ACTR3C: variants seen among roughly 807,000 people sequenced by gnomAD.
ACTR3C encodes the protein actin-related protein 3C.
A neutral mutation model predicts 26.3 loss-of-function variants in ACTR3C; 18 were observed. The ratio of observed to expected loss-of-function variants is 0.68; its 90% CI spans 0.47 to 1.01. The LOEUF is 1.01. ACTR3C is among the 50% of genes least tolerant of loss of function. The probability of loss-of-function intolerance (pLI) is 0.00; values close to 1 mark genes in which losing one functional copy is unlikely to be tolerated. For synonymous variants in ACTR3C, 55 were observed against 94.5 expected, an observed-to-expected ratio of 0.58 and a Z score of 2.42; for missense variants, 184 against 250.7, an observed-to-expected ratio of 0.73 and a Z score of 1.80.
At chr7:149,907,473 TTCTC>T in the ACTR3C span, among the ~76,000 whole-genome samples, 1,436 of 109,794 alleles carry the variant, frequency 0.013, 51 homozygotes, top group African/African-American at 0.026. Flanking sequence ...CTTGCCTCTC[TTCTC>T]TTCTCTCTCT....
At chr7:150,189,371 CCATTT>C in the ACTR3C span, among the ~76,000 whole-genome samples, 1 of 152,150 alleles carries the variant, frequency 6.6e-6, no homozygotes, top group African/African-American at 2.4e-5. Context: ...AATTCGTATT[CCATTT>C]GAGTTCCCCA....
At chr7:150,196,792 C>A in the ACTR3C span, among the ~76,000 whole-genome samples, 3 of 152,066 alleles carry the variant, frequency 2.0e-5, no homozygotes, top group East Asian at 5.8e-4. Context: ...GTTGAGTGTA[C>A]CACTGGCCTC....
At chr7:150,154,081 G>A in the ACTR3C span, among the ~76,000 whole-genome samples, 639 of 118,688 alleles carry the variant, frequency 5.4e-3, 1 homozygote, top group African/African-American at 0.02. Flanking sequence ...TGTGGGGTGG[G>A]GGGAGGGGGG....
the ACTR3C span, among the ~76,000 whole-genome samples, chr7:149,883,765 A>C: frequency 6.6e-6 from 1 of 152,170 alleles, no homozygotes; most frequent in Admixed American, 6.5e-5. Context: ...GCCCTTCAGG[A>C]ATATTTCATA....
At chr7:149,921,794 T>G in the ACTR3C span, among the ~76,000 whole-genome samples, 1 of 152,092 alleles carries the variant, frequency 6.6e-6, no homozygotes, top group East Asian at 1.9e-4. Context: ...GGAGAATGGC[T>G]TGAACCCAGG....
the ACTR3C span, among the ~76,000 whole-genome samples, chr7:150,211,257 C>A: frequency 6.7e-6 from 1 of 150,068 alleles, no homozygotes. Flanking sequence ...TTAATAATAG[C>A]AAACACTCTG....
At chr7:150,084,831 G>C in the ACTR3C span, among the ~76,000 whole-genome samples, 1 of 152,098 alleles carries the variant, frequency 6.6e-6, no homozygotes, top group South Asian at 2.1e-4. Context: ...GGGTGTGGGA[G>C]GGGGAGTGGA....
Position 150,284,799 on chromosome 7 carries a change from T to G in ACTR3C, c.518A>C (p.Glu173Ala), listed in dbSNP as rs187747289. 20 of 1,613,560 alleles carry G rather than the reference T, an allele frequency of 1.2e-5. No individual in the cohort carries two copies. In the African/African-American group the frequency reaches 2.1e-4, roughly 17 times the overall value. The change falls in exon 6 of 8, where the codon GAA becomes GCA. Residue 173 changes from glutamate (E) to alanine (A), a missense_variant. By Grantham distance (107) the Glu-to-Ala change is moderately radical. Transcript: ENST00000683684. ...ATCGATGGGGCAGTTCTGTATTACT[T>G]CATCAACAACATCTGAGATGGACTC... ...SMESISDVVD[E>A]VIQNCPIDVR... is the part of the protein sequence containing the mutation.
At chr7:150,323,039 C>A (rs2129617917) in intron 1 of ACTR3C, 1 of 152,844 alleles carries the variant, frequency 6.5e-6, no homozygotes, top group Non-Finnish European at 1.5e-5. Flanking sequence ...TCTAGGCCGC[C>A]ATCCGTCCGG....
At chr7:150,157,044 G>A in the ACTR3C span, among the ~76,000 whole-genome samples, 2 of 148,504 alleles carry the variant, frequency 1.3e-5, no homozygotes, top group Non-Finnish European at 3.0e-5. Flanking sequence ...TATTTCAGTT[G>A]TTCTCTGAAA....
chr7:149,903,786 C>T, the ACTR3C span, among the ~76,000 whole-genome samples: 2 of 148,382 alleles, frequency 1.3e-5, no homozygotes, highest in Admixed American at 1.4e-4. Flanking sequence ...TCAAGCAATC[C>T]TCCCACCTCG....
chr7:150,199,736 A>AC, the ACTR3C span, among the ~76,000 whole-genome samples: 10 of 143,440 alleles, frequency 7.0e-5, no homozygotes, highest in Non-Finnish European at 1.4e-4. Flanking sequence ...AAAAAAAAAA[A>AC]AAAAAAAAAA....
At chr7:150,159,531 C>A in the ACTR3C span, among the ~76,000 whole-genome samples, 1 of 151,994 alleles carries the variant, frequency 6.6e-6, no homozygotes, top group Admixed American at 6.6e-5. Context: ...TGGAAACATC[C>A]AGATTGGAAC....
chr7:150,282,226 C>T (rs1403451592), intron 6 of ACTR3C, among the ~76,000 whole-genome samples: 4 of 144,772 alleles, frequency 2.8e-5, no homozygotes, highest in South Asian at 2.3e-4. Context: ...GTCTCCTCCC[C>T]GGCAGCGGGG....
chr7:150,188,099 T>TC, the ACTR3C span, among the ~76,000 whole-genome samples: 2 of 151,474 alleles, frequency 1.3e-5, no homozygotes, highest in African/African-American at 4.8e-5. Flanking sequence ...CTCCACCACT[T>TC]CCCCAAGGTA....
At chr7:150,019,089 T>C in the ACTR3C span, among the ~76,000 whole-genome samples, 10 of 150,320 alleles carry the variant, frequency 6.7e-5, no homozygotes, top group Admixed American at 3.9e-4. Flanking sequence ...ACACAACTAC[T>C]TTCAGCACAC....
the ACTR3C span, among the ~76,000 whole-genome samples, chr7:150,166,308 G>A: frequency 6.6e-6 from 1 of 151,002 alleles, no homozygotes; most frequent in African/African-American, 2.5e-5. Flanking sequence ...TCAAATCAGG[G>A]TAATTAGGAC....
the ACTR3C span, among the ~76,000 whole-genome samples, chr7:150,157,557 C>T: frequency 6.6e-6 from 1 of 151,922 alleles, no homozygotes; most frequent in African/African-American, 2.4e-5. Flanking sequence ...CTTTCTGGTG[C>T]TGCTCCATGC....
At chr7:149,990,936 G>T in the ACTR3C span, among the ~76,000 whole-genome samples, 1 of 152,314 alleles carries the variant, frequency 6.6e-6, no homozygotes, top group Non-Finnish European at 1.5e-5. Flanking sequence ...AAGCGAGTCG[G>T]GGCCATGCCC....
Sources: allele counts gnomAD v4.1 joint callset (sites outside exome capture counted in the v4.1 genomes callset), GRCh38; gene constraint gnomAD v4.1.1; transcripts MANE v1.5; gene names NCBI Gene and HGNC (gene_info 2026-07-23, HGNC 2026-07-21).